ABCC11: variants seen among roughly 807,000 people sequenced by gnomAD.
ABCC11 encodes the protein ATP-binding cassette sub-family C member 11.
ABCC11 carries 135 observed loss-of-function variants against 149.3 expected under a neutral mutation model. The ratio of observed to expected loss-of-function variants is 0.90; its 90% CI spans 0.79 to 1.04. The LOEUF (loss-of-function observed/expected upper bound fraction) is 1.04, where lower values mean the gene tolerates loss of function less well. ABCC11 is among the 50% of genes least tolerant of loss of function. ABCC11 has a pLI of 0.00. For synonymous variants in ABCC11, 665 were observed against 671.4 expected (o/e 0.99, Z 0.15); for missense variants, 1,680 against 1,722.1 (o/e 0.98, Z 0.43).
At chr16:48,193,618 T>C (rs1435288425) in intron 19 of ABCC11, among the ~76,000 whole-genome samples, 1 of 152,224 alleles carries the variant, frequency 6.6e-6, no homozygotes, top group African/African-American at 2.4e-5. Context: ...GCAAAGATTC[T>C]TGGGGCACTG....
At chr16:48,227,409 G>A (rs988238957) in intron 4 of ABCC11, among the ~76,000 whole-genome samples, 11 of 151,162 alleles carry the variant, frequency 7.3e-5, no homozygotes, top group Admixed American at 4.6e-4. Flanking sequence ...AGGAGGCAGA[G>A]GTTGCAGTCA....
chr16:48,174,375 T>A (rs923312547), intron 26 of ABCC11, among the ~76,000 whole-genome samples: 1 of 152,232 alleles, frequency 6.6e-6, no homozygotes, highest in Non-Finnish European at 1.5e-5. Flanking sequence ...TTTATCCTCC[T>A]GGCTCTAAGA....
In ABCC11 at chr16:48,213,564, G is replaced by A. The variant is rs759202704; in HGVS notation, c.1249-14C>T. On this transcript the variant is annotated splice_polypyrimidine_tract_variant and intron_variant, in intron 9 of 29. Transcript: ENST00000356608. ...CATGCTGAAGGCCTGGATAAGAAGG[G>A]GAGGAGGTGGTGAGGGTCGTGGCCC... 3.7e-6 allele frequency: 6 copies of A among 1,600,730 alleles called. No individual in the cohort carries two copies. In the South Asian group the frequency reaches 5.6e-5, roughly 15 times the overall value.
chr16:48,228,402 G>A (rs1050135242), intron 3 of ABCC11, among the ~76,000 whole-genome samples: 5 of 151,782 alleles, frequency 3.3e-5, no homozygotes, highest in African/African-American at 4.8e-5. Flanking sequence ...GAGACCAGCC[G>A]GGCCAACATT....
At chr16:48,193,783 A>G (rs1596720320) in intron 19 of ABCC11, 96 bp downstream of exon 19, 1 of 1,030,310 alleles carries the variant, frequency 9.7e-7, no homozygotes, top group East Asian at 2.5e-5. Context: ...GTGGGTCCCA[A>G]GCCATGCTCT....
chr16:48,219,409 G>A (rs1018939496), intron 6 of ABCC11, among the ~76,000 whole-genome samples: 16 of 152,062 alleles, frequency 1.1e-4, no homozygotes, highest in African/African-American at 1.9e-4. Context: ...GAACTCAAGC[G>A]ATTCATCCAA....
intron 1 of ABCC11, chr16:48,244,550 C>T: frequency 6.4e-7 from 1 of 1,550,556 alleles, no homozygotes; most frequent in Non-Finnish European, 8.7e-7. Flanking sequence ...CGCTGCAAAG[C>T]ACCATCCTGG....
Position 48,165,789 on chromosome 16 carries a change from ATTT to A in ABCC11, c.*1482_*1484del, listed in dbSNP as rs1373595265. 1 of 152,194 alleles carries A rather than the reference ATTT, an allele frequency of 6.6e-6. No individual in the cohort carries two copies. Among genetic ancestry groups the A allele is most frequent in the African/African-American group, 2.4e-5 (1 of 41,446 alleles). The allele number at this position is 152,194 out of a possible 1,614,324, so 9.4% of individuals were successfully genotyped here. ...TGAGAAATATTGGTTTACTAAATTG[ATTT>A]TTTATGGCATTTTTTGAAAATCAGA... On this transcript the variant is annotated 3_prime_UTR_variant, in exon 30 of 30. Coordinates refer to ENST00000356608, the MANE Select transcript of ABCC11 (RefSeq NM_001370497.1).
chr16:48,224,488 T>C, intron 4 of ABCC11, 59 bp from the exon 5 acceptor site: 1 of 1,570,580 alleles, frequency 6.4e-7, no homozygotes, highest in South Asian at 1.2e-5. Context: ...CCAAACATCC[T>C]AGTTCTTGCT....
At chr16:48,183,191 A>C (rs1966551201) in intron 23 of ABCC11, among the ~76,000 whole-genome samples, 1 of 152,254 alleles carries the variant, frequency 6.6e-6, no homozygotes, top group African/African-American at 2.4e-5. Context: ...AGAAAGCCAC[A>C]TAACCACAGA....
In ABCC11 at chr16:48,166,218, T is replaced by C. The variant is rs1350828574; in HGVS notation, c.*1056A>G. Among the ~76,000 whole-genome samples, 1 of 152,172 alleles carries C rather than the reference T, an allele frequency of 6.6e-6. No homozygotes were observed. The highest frequency in any genetic ancestry group is 2.4e-5 in the African/African-American group (1 of 41,446). Reference sequence around the variant, plus strand: ...GGCAAATCACAGTATGCCAACAGCCTAGCACATGATTGATCAGGAACAAGC... The same window carrying C: ...GGCAAATCACAGTATGCCAACAGCCCAGCACATGATTGATCAGGAACAAGC... On this transcript the variant is annotated 3_prime_UTR_variant, in exon 30 of 30. Coordinates refer to ENST00000356608, the MANE Select transcript of ABCC11 (RefSeq NM_001370497.1).
At chr16:48,224,507 G>T in intron 4 of ABCC11, 78 bp from the exon 5 acceptor site, 1 of 1,515,224 alleles carries the variant, frequency 6.6e-7, no homozygotes. Context: ...CTAGCCAGGA[G>T]CTTTGTTGCA....
chr16:48,179,585 C>G (rs1966299509), intron 23 of ABCC11, among the ~76,000 whole-genome samples: 1 of 152,178 alleles, frequency 6.6e-6, no homozygotes, highest in Non-Finnish European at 1.5e-5. Context: ...CTCCATGTCC[C>G]AAAGTGCAGC....
chr16:48,215,630 G>A (rs1969284224), intron 7 of ABCC11, among the ~76,000 whole-genome samples: 1 of 152,166 alleles, frequency 6.6e-6, no homozygotes, highest in South Asian at 2.1e-4. Flanking sequence ...CCATCAGAGT[G>A]ACTGCACTCA....
At position 48,175,420 on chromosome 16, in the gene ABCC11, G is replaced by GTGGA; in HGVS notation, c.3539-4_3539-3insTCCA. 6.2e-7 allele frequency: 1 copy of GTGGA among 1,603,096 alleles called. No homozygotes were observed. Among genetic ancestry groups the GTGGA allele is most frequent in the Non-Finnish European group, 8.5e-7 (1 of 1,171,116 alleles). ...AGCCATGCCCAAGGAGGACTTCCCTGTGGGGCAAGAAACAAGCGGGGCCTC... is the reference window on the plus strand; with the variant it reads ...AGCCATGCCCAAGGAGGACTTCCCTGTGGATGGGGCAAGAAACAAGCGGGGCCTC... On this transcript the variant is annotated splice_polypyrimidine_tract_variant and splice_region_variant and intron_variant, in intron 25 of 29. Coordinates refer to ENST00000356608, the MANE Select transcript of ABCC11 (RefSeq NM_001370497.1).
Position 48,200,391 on chromosome 16 carries a change from A to G in ABCC11, c.1967T>C (p.Leu656Pro), listed in dbSNP as rs1404215443. The G allele has an allele frequency of 1.2e-6, 2 of 1,614,274 alleles. No homozygotes were observed. Among genetic ancestry groups the G allele is most frequent in the Non-Finnish European group, 1.7e-6 (2 of 1,180,044 alleles). Residue 656 changes from leucine to proline, a missense_variant, in exon 15 of 30, where the codon CTG (leucine) becomes CCG (proline). Physicochemically the swap from Leu to Pro is moderately conservative, Grantham distance 98. Transcript: ENST00000356608. The stretch of plus-strand genomic sequence containing the variant: ...CACAGCAGACAGGGGGTCGTCCAGC[A>G]GGTAGATCTGACGGTCGGAATAGAC... Reference protein sequence around the residue: ...RAVYSDRQIYLLDDPLSAVDA... With the variant: ...RAVYSDRQIYPLDDPLSAVDA...
intron 1 of ABCC11, among the ~76,000 whole-genome samples, chr16:48,238,739 C>G (rs1247077145): frequency 6.6e-6 from 1 of 151,634 alleles, no homozygotes; most frequent in Non-Finnish European, 1.5e-5. Flanking sequence ...AGATCGAGAC[C>G]ATCCTGGCTA....
intron 9 of ABCC11, among the ~76,000 whole-genome samples, chr16:48,214,454 A>G (rs538784345): frequency 6.6e-6 from 1 of 152,136 alleles, no homozygotes; most frequent in South Asian, 2.1e-4. Flanking sequence ...CTGCTCAAAG[A>G]GCAGGGATTC....
chr16:48,235,908 C>T (rs1308337311), intron 1 of ABCC11, among the ~76,000 whole-genome samples: 3 of 152,110 alleles, frequency 2.0e-5, no homozygotes, highest in Non-Finnish European at 4.4e-5. Flanking sequence ...GCCACTGGAG[C>T]GGGGTAACCT....
Sources: gnomAD v4.1 joint callset for allele counts (sites outside exome capture counted in the v4.1 genomes callset) on GRCh38, gnomAD v4.1.1 for gene constraint, MANE v1.5 for transcripts, NCBI Gene and HGNC (gene_info 2026-07-23, HGNC 2026-07-21) for gene names.